Variants in KHDRBS3 observed in about 807,000 individuals in gnomAD.
KHDRBS3 encodes KH RNA binding domain containing, signal transduction associated 3.
A neutral mutation model predicts 45.6 loss-of-function variants in KHDRBS3; 23 were observed. That is an observed-to-expected ratio of 0.50 (90% CI 0.36 to 0.72). The LOEUF (loss-of-function observed/expected upper bound fraction) is 0.72. Ranked by LOEUF, KHDRBS3 falls within the 30% of genes least tolerant of loss-of-function variation. The pLI, the probability that KHDRBS3 is intolerant of heterozygous loss-of-function variation, is 0.00. For synonymous variants in KHDRBS3, 162 were observed against 156.5 expected (o/e 1.04, Z -0.26); for missense variants, 352 against 424.8 (o/e 0.83, Z 1.51).
chr8:135,546,589 A>G (rs567982525), intron 3 of KHDRBS3, among the ~76,000 whole-genome samples: 3 of 152,302 alleles, frequency 2.0e-5, no homozygotes, highest in Admixed American at 6.5e-5. Flanking sequence ...TATCATTACT[A>G]TATTTATCAT....
chr8:135,548,999 T>C lies in KHDRBS3; in HGVS notation c.471+99T>C, dbSNP rs1195528344. 20 of 795,190 alleles carry C rather than the reference T, an allele frequency of 2.5e-5. No homozygotes were observed. In the South Asian group the frequency reaches 2.7e-4, roughly 11 times the overall value. The allele number at this position is 795,190 out of a possible 1,614,324, so 49.3% of individuals were successfully genotyped here. On this transcript the variant is annotated intron_variant, in intron 4 of 8. Transcript: ENST00000355849. ...TAACTGTTATTTGCATAGCTCCTTT[T>C]CTGCTGTAAAGCTGTATGGACATCA...
chr8:135,616,625 C>G lies in KHDRBS3; in HGVS notation c.890+9588C>G, dbSNP rs184521368. Among the ~76,000 whole-genome samples the G allele has an allele frequency of 3.0e-3, 458 of 152,294 alleles. 3 individuals are homozygous for G. The highest frequency in any genetic ancestry group is 2.7e-3 in the Non-Finnish European group (187 of 68,028). Reference sequence around the variant, plus strand: ...ATTGAGAAGACTGCAACAGTACTTACGATCAACCATTCATAGCAATGACAG... The same window carrying G: ...ATTGAGAAGACTGCAACAGTACTTAGGATCAACCATTCATAGCAATGACAG... On this transcript the variant is annotated intron_variant, in intron 7 of 8. Coordinates refer to ENST00000355849, the MANE Select transcript of KHDRBS3 (RefSeq NM_006558.3).
chr8:135,562,092 A>G (rs1015954639), intron 5 of KHDRBS3, among the ~76,000 whole-genome samples: 6 of 152,196 alleles, frequency 3.9e-5, no homozygotes, highest in South Asian at 2.1e-4. Context: ...CAAGTTTATA[A>G]TGTTTATAAA....
At chr8:135,601,394 GT>G (rs748540276) in intron 6 of KHDRBS3, among the ~76,000 whole-genome samples, 4 of 152,188 alleles carry the variant, frequency 2.6e-5, no homozygotes, top group Non-Finnish European at 4.4e-5. Flanking sequence ...GTCATGGACG[GT>G]TTTCATGGGA....
chr8:135,522,136 T>TC (rs1477933469), intron 2 of KHDRBS3, among the ~76,000 whole-genome samples: 1 of 152,138 alleles, frequency 6.6e-6, no homozygotes, highest in Non-Finnish European at 1.5e-5. Flanking sequence ...TGTGTGTTGT[T>TC]CCCCTCCCTG....
At chr8:135,548,018 C>T (rs1224360530) in intron 3 of KHDRBS3, among the ~76,000 whole-genome samples, 3 of 152,084 alleles carry the variant, frequency 2.0e-5, no homozygotes, top group Non-Finnish European at 2.9e-5. Flanking sequence ...TGTAAAATAA[C>T]GTAATAAAGT....
intron 1 of KHDRBS3, among the ~76,000 whole-genome samples, chr8:135,459,159 C>T (rs1563691888): frequency 6.6e-6 from 1 of 152,184 alleles, no homozygotes; most frequent in South Asian, 2.1e-4. Context: ...AAAGATGAGG[C>T]AGACATATTC....
intron 6 of KHDRBS3, among the ~76,000 whole-genome samples, chr8:135,602,025 G>C (rs547165737): frequency 5.1e-4 from 78 of 152,236 alleles, no homozygotes; most frequent in Non-Finnish European, 9.9e-4. Context: ...CTTAAGGTTT[G>C]GAGGCTCTTA....
intron 4 of KHDRBS3, among the ~76,000 whole-genome samples, chr8:135,552,478 C>A (rs1466242862): frequency 6.6e-6 from 1 of 152,116 alleles, no homozygotes; most frequent in African/African-American, 2.4e-5. Context: ...GGGCCCTCTC[C>A]AAGACAGCCT....
intron 1 of KHDRBS3, among the ~76,000 whole-genome samples, chr8:135,479,703 C>T (rs994923057): frequency 5.9e-5 from 9 of 152,166 alleles, no homozygotes; most frequent in African/African-American, 2.2e-4. Flanking sequence ...ACTTAATCAC[C>T]TCTGAAAGAC....
chr8:135,591,589 A>T (rs1194514150), intron 6 of KHDRBS3, among the ~76,000 whole-genome samples: 1 of 152,226 alleles, frequency 6.6e-6, no homozygotes. Flanking sequence ...TCATCTGTAC[A>T]TGGGAATAGA....
At chr8:135,563,969 G>A (rs1004046582) in intron 5 of KHDRBS3, among the ~76,000 whole-genome samples, 20 of 152,150 alleles carry the variant, frequency 1.3e-4, no homozygotes, top group Non-Finnish European at 2.5e-4. Context: ...TATTAAGTGC[G>A]TGTTCCCAGA....
intron 6 of KHDRBS3, among the ~76,000 whole-genome samples, chr8:135,598,639 A>G (rs1163759992): frequency 2.0e-5 from 3 of 152,336 alleles, no homozygotes; most frequent in South Asian, 2.1e-4. Context: ...CATTGTTAAT[A>G]TGGTAATTTT....
chr8:135,487,280 A>G (rs538064532), intron 1 of KHDRBS3, among the ~76,000 whole-genome samples: 5 of 152,296 alleles, frequency 3.3e-5, no homozygotes, highest in Admixed American at 3.3e-4. Context: ...AAAGCTACTT[A>G]TTTAGTAAGT....
chr8:135,466,537 A>C (rs1339777264), intron 1 of KHDRBS3, among the ~76,000 whole-genome samples: 3 of 152,228 alleles, frequency 2.0e-5, no homozygotes, highest in African/African-American at 7.2e-5. Flanking sequence ...TTTTGGGGGA[A>C]AATTATACTC....
chr8:135,479,798 T>A (rs1428896960), intron 1 of KHDRBS3, among the ~76,000 whole-genome samples: 2 of 152,144 alleles, frequency 1.3e-5, no homozygotes, highest in East Asian at 3.9e-4. Flanking sequence ...CATAGAAGCT[T>A]CCCAACTCAT....
At chr8:135,622,194 G>A (rs189531639) in intron 7 of KHDRBS3, among the ~76,000 whole-genome samples, 12 of 152,206 alleles carry the variant, frequency 7.9e-5, no homozygotes, top group Admixed American at 2.0e-4. Context: ...CTCCCCCAGT[G>A]CCTACCACAG....
intron 1 of KHDRBS3, among the ~76,000 whole-genome samples, chr8:135,467,598 C>T (rs561659115): frequency 7.2e-5 from 11 of 152,368 alleles, no homozygotes; most frequent in South Asian, 6.2e-4. Flanking sequence ...GAATGCTTCT[C>T]CATTTAGGTT....
At chr8:135,654,956 G>T (rs1831502752) in intron 4 of KHDRBS3, among the ~76,000 whole-genome samples, 1 of 152,176 alleles carries the variant, frequency 6.6e-6, no homozygotes, top group African/African-American at 2.4e-5. Context: ...GAGAATCCTG[G>T]CTGAGAGGAC....
Sources: gnomAD v4.1 joint callset for allele counts (sites outside exome capture counted in the v4.1 genomes callset) on GRCh38, gnomAD v4.1.1 for gene constraint, MANE v1.5 for transcripts, NCBI Gene and HGNC (gene_info 2026-07-23, HGNC 2026-07-21) for gene names.